The following AK5 variants were observed in gnomAD, a reference collection of about 807,000 sequenced individuals.
AK5 encodes adenylate kinase isoenzyme 5.
Under a neutral mutation model 69.5 loss-of-function variants are expected in AK5, and 27 were observed. The observed-to-expected ratio is 0.39, with a 90% CI of 0.29 to 0.54. The LOEUF (loss-of-function observed/expected upper bound fraction) is 0.54. Ranked by LOEUF, AK5 falls within the 20% of genes least tolerant of loss-of-function variation. AK5 has a pLI of 0.71. For synonymous variants in AK5, 260 were observed against 244.4 expected (o/e 1.06, Z -0.60); for missense variants, 531 against 700.4 (o/e 0.76, Z 2.73).
At chr1:77,346,408 C>T (rs1020858023) in intron 6 of AK5, 3 of 152,228 alleles carry the variant, frequency 2.0e-5, no homozygotes, top group Admixed American at 2.0e-4. Flanking sequence ...CCTAAACTCT[C>T]AACGTACAGC....
At chr1:77,299,670 C>A (rs947186252) in intron 5 of AK5, among the ~76,000 whole-genome samples, 1 of 152,072 alleles carries the variant, frequency 6.6e-6, no homozygotes, top group African/African-American at 2.4e-5. Context: ...GCTGTTGCTA[C>A]CACATTATAT....
chr1:77,391,432 CATAT>C (rs1182177628), intron 6 of AK5, among the ~76,000 whole-genome samples: 1 of 95,592 alleles, frequency 1.0e-5, no homozygotes, highest in Non-Finnish European at 2.0e-5. Flanking sequence ...TATATATATA[CATAT>C]ATACATATAT....
At chr1:77,546,699 G>C (rs1231655349) in intron 13 of AK5, among the ~76,000 whole-genome samples, 1 of 152,152 alleles carries the variant, frequency 6.6e-6, no homozygotes, top group East Asian at 1.9e-4. Context: ...GACAGTGTGA[G>C]ACTCTGTCTC....
intron 6 of AK5, among the ~76,000 whole-genome samples, chr1:77,402,818 G>A (rs1461806746): frequency 6.6e-6 from 1 of 152,064 alleles, no homozygotes; most frequent in East Asian, 1.9e-4. Context: ...CCCAGTAATG[G>A]GATGGCTGGG....
intron 5 of AK5, among the ~76,000 whole-genome samples, chr1:77,317,538 G>T (rs573655915): frequency 6.6e-6 from 1 of 152,220 alleles, no homozygotes; most frequent in East Asian, 1.9e-4. Context: ...TTGCTGATAT[G>T]TGTCCCTTCC....
chr1:77,516,823 A>G (rs1657672462), intron 10 of AK5, among the ~76,000 whole-genome samples: 1 of 152,090 alleles, frequency 6.6e-6, no homozygotes, highest in Non-Finnish European at 1.5e-5. Context: ...TAATCCCAGC[A>G]TTTCAGGAGG....
At chr1:77,521,986 G>A (rs760893102) in intron 12 of AK5, 43 bp downstream of exon 12, 8 of 1,427,292 alleles carry the variant, frequency 5.6e-6, no homozygotes, top group Admixed American at 4.2e-5. Flanking sequence ...AAAAATAGGG[G>A]ACATCCTTGA....
chr1:77,405,302 G>A (rs987244732), intron 6 of AK5, among the ~76,000 whole-genome samples: 9 of 152,236 alleles, frequency 5.9e-5, no homozygotes, highest in African/African-American at 2.4e-5. Context: ...TGCTACACGG[G>A]AGAGCAGAAA....
intron 10 of AK5, among the ~76,000 whole-genome samples, chr1:77,486,694 CAAAA>C (rs879594150): frequency 3.4e-5 from 3 of 88,706 alleles, no homozygotes; most frequent in Non-Finnish European, 7.2e-5. Flanking sequence ...AAGACTCTGT[CAAAA>C]AAAAAAAAAA....
At chr1:77,483,032 A>T (rs1426004455) in intron 8 of AK5, among the ~76,000 whole-genome samples, 2 of 92,960 alleles carry the variant, frequency 2.2e-5, no homozygotes, top group African/African-American at 8.7e-5. Context: ...AAAAAAAAAA[A>T]AAAAAAAAGA....
chr1:77,323,020 C>T (rs1290589827), intron 5 of AK5, among the ~76,000 whole-genome samples: 2 of 151,270 alleles, frequency 1.3e-5, no homozygotes, highest in Non-Finnish European at 2.9e-5. Context: ...CAGAATTTCG[C>T]TCTGTCACCC....
chr1:77,515,626 G>T (rs1352536840), intron 10 of AK5, among the ~76,000 whole-genome samples: 3 of 152,232 alleles, frequency 2.0e-5, no homozygotes, highest in African/African-American at 7.2e-5. Flanking sequence ...AGTAAGACAG[G>T]CAGGGAGCAC....
At chr1:77,504,539 G>A (rs142964105) in intron 10 of AK5, among the ~76,000 whole-genome samples, 80 of 152,106 alleles carry the variant, frequency 5.3e-4, no homozygotes, top group Middle Eastern at 3.4e-3. Context: ...TTCCAAGATA[G>A]TATTCCTGAA....
chr1:77,451,457 G>A (rs1344942870), intron 8 of AK5, among the ~76,000 whole-genome samples: 1 of 152,132 alleles, frequency 6.6e-6, no homozygotes. Flanking sequence ...CAGAACGCCT[G>A]TTTTTCCTTT....
chr1:77,487,773 C>A (rs1487747382), intron 10 of AK5, among the ~76,000 whole-genome samples: 1 of 152,188 alleles, frequency 6.6e-6, no homozygotes, highest in Non-Finnish European at 1.5e-5. Flanking sequence ...CCTCCTCTGC[C>A]ACTCAGTTGT....
intron 2 of AK5, among the ~76,000 whole-genome samples, chr1:77,287,398 G>A (rs4033035): frequency 0.099 from 15,126 of 152,202 alleles, 927 homozygotes; most frequent in East Asian, 0.2. Flanking sequence ...ACATTAGCAA[G>A]CCATACATAC....
At chr1:77,283,637 T>C (rs7534033) in intron 1 of AK5, 66,290 of 984,978 alleles carry the variant, frequency 0.067, 2,798 homozygotes, top group East Asian at 0.2. Flanking sequence ...AACTCAAGCG[T>C]GGTATGTGAA....
intron 5 of AK5, among the ~76,000 whole-genome samples, chr1:77,312,387 G>T (rs1973057): frequency 0.021 from 3,163 of 152,214 alleles, 133 homozygotes; most frequent in African/African-American, 0.073. Context: ...GGCCGAGGCA[G>T]GTGGATGACT....
At chr1:77,537,718 G>T (rs1331265533) in intron 13 of AK5, among the ~76,000 whole-genome samples, 4 of 152,194 alleles carry the variant, frequency 2.6e-5, no homozygotes, top group African/African-American at 9.6e-5. Flanking sequence ...CATTGATAAT[G>T]AATTCTTATC....
Sources: gnomAD v4.1 joint callset for allele counts (sites outside exome capture counted in the v4.1 genomes callset) on GRCh38, gnomAD v4.1.1 for gene constraint, MANE v1.5 for transcripts, NCBI Gene and HGNC (gene_info 2026-07-23, HGNC 2026-07-21) for gene names.